Variants in FAT4 observed in about 807,000 individuals in gnomAD.
The protein encoded by FAT4 is protocadherin Fat 4.
FAT4 carries 84 observed loss-of-function variants against 303.9 expected under a neutral mutation model. The observed-to-expected ratio is 0.28, with a 90% confidence interval of 0.23 to 0.33. The LOEUF is 0.33. Ranked by LOEUF, FAT4 falls within the 10% of genes least tolerant of loss-of-function variation. FAT4 has a pLI of 1.00. For synonymous variants in FAT4, 2,307 were observed against 2,298.8 expected, an observed-to-expected ratio of 1.00 and a Z score of -0.10; for missense variants, 6,005 against 6,146.8, an observed-to-expected ratio of 0.98 and a Z score of 0.77.
chr4:125,464,640 G>A (rs931926525), intron 11 of FAT4, among the ~76,000 whole-genome samples: 1 of 152,000 alleles, frequency 6.6e-6, no homozygotes, highest in African/African-American at 2.4e-5. Flanking sequence ...TTTACATTAG[G>A]TATTTCTCCT....
Position 125,319,721 on chromosome 4 carries a change from A to T in FAT4, c.3310A>T (p.Asn1104Tyr), listed in dbSNP as rs1247756549. ...TAACAGACCTCTTTTTAACAGTACC[A>T]ATTACACATTTTACTTCGAAGAAGA... ...NDNRPLFNST[N>Y]YTFYFEEEQR... The change falls in exon 2 of 18, where the codon AAT (asparagine) becomes TAT (tyrosine). Residue 1104 changes from asparagine to tyrosine, a missense_variant. By Grantham distance (143) the Asn-to-Tyr change is moderately radical. Coordinates refer to ENST00000394329, the MANE Select transcript of FAT4 (RefSeq NM_001291303.3). 1 of 1,614,146 alleles carries T rather than the reference A, an allele frequency of 6.2e-7. No individual in the cohort carries two copies. Among genetic ancestry groups the T allele is most frequent in the African/African-American group, 1.3e-5 (1 of 75,062 alleles).
In FAT4 at chr4:125,408,692, A is replaced by G; in HGVS notation, c.5818A>G (p.Asn1940Asp). 6.2e-7 allele frequency: 1 copy of G among 1,610,872 alleles called. No individual in the cohort carries two copies. The highest frequency in any genetic ancestry group is 1.1e-5 in the South Asian group (1 of 90,968). ...VYFNILDVND[N>D]PPIFSLNSYS... ...TTTCAATATTCTAGATGTAAATGAT[A>G]ATCCACCTATTTTCAGCTTGAATTC... Residue 1940 changes from asparagine to aspartate, a missense_variant, in exon 5 of 18, where the codon AAT becomes GAT. By Grantham distance (23) the Asn-to-Asp change is conservative. Coordinates refer to ENST00000394329, the MANE Select transcript of FAT4 (RefSeq NM_001291303.3).
At chr4:125,403,816 G>A (rs1295143193) in intron 3 of FAT4, among the ~76,000 whole-genome samples, 2 of 152,016 alleles carry the variant, frequency 1.3e-5, no homozygotes, top group South Asian at 2.1e-4. Context: ...TGCACATGGG[G>A]TTGTTAAAAA....
Position 125,316,323 on chromosome 4 carries a change from T to C in FAT4, c.-12-77T>C. On this transcript the variant is annotated intron_variant, in intron 1 of 17. Transcript: ENST00000394329. The surrounding 1 kb of genome is among the most constrained non-coding windows in gnomAD (Gnocchi z 5.7). ...TCAGACCAAGCCGTCAGCTGAATCT[T>C]TGCTGGCGCTCCTTAATCCCTGTAA... The C allele has an allele frequency of 1.3e-6, 2 of 1,488,458 alleles. No individual in the cohort carries two copies. The highest frequency in any genetic ancestry group is 1.4e-5 in the South Asian group (1 of 73,400). The allele number at this position is 1,488,458 out of a possible 1,614,324, so 92.2% of individuals were successfully genotyped here.
intron 11 of FAT4, among the ~76,000 whole-genome samples, chr4:125,465,141 A>G (rs1322855530): frequency 6.6e-6 from 1 of 152,222 alleles, no homozygotes; most frequent in Non-Finnish European, 1.5e-5. Context: ...CCCAAAGTCA[A>G]AAAATGAAGT....
intron 10 of FAT4, among the ~76,000 whole-genome samples, chr4:125,460,438 C>T (rs953317497): frequency 1.3e-5 from 2 of 151,930 alleles, no homozygotes; most frequent in Non-Finnish European, 2.9e-5. Context: ...CTCCTCCCAC[C>T]CTCCACCCTC....
At chr4:125,455,096 TC>T (rs1726232109) in intron 10 of FAT4, among the ~76,000 whole-genome samples, 1 of 152,184 alleles carries the variant, frequency 6.6e-6, no homozygotes, top group African/African-American at 2.4e-5. Flanking sequence ...TTCTTACCCA[TC>T]CCCAAAATTA....
rs1730540528 is a variant in FAT4 at position 125,315,555 on chromosome 4, A to C, written c.-435A>C. 2.0e-5 allele frequency among the ~76,000 whole-genome samples: 3 copies of C among 152,162 alleles called. No individual in the cohort carries two copies. In the South Asian group the frequency reaches 6.2e-4, roughly 31 times the overall value. ...GGGAAACTGCGTTCGATTTGGATGT[A>C]CAAATAATGGGTCGGCAGGCGCCCC... On this transcript the variant is annotated 5_prime_UTR_variant, in exon 1 of 18. Coordinates refer to ENST00000394329, the MANE Select transcript of FAT4 (RefSeq NM_001291303.3).
chr4:125,464,625 C>T (rs189526119), intron 11 of FAT4, among the ~76,000 whole-genome samples: 7 of 152,134 alleles, frequency 4.6e-5, no homozygotes, highest in Admixed American at 4.6e-4. Context: ...CCCATCAACT[C>T]GTCATTTACA....
chr4:125,373,372 A>G (rs920561500), intron 2 of FAT4, among the ~76,000 whole-genome samples: 11 of 152,148 alleles, frequency 7.2e-5, no homozygotes, highest in African/African-American at 2.7e-4. Flanking sequence ...ACAGAGACAA[A>G]TTTCATCTAA....
At chr4:125,415,858 T>C (rs755058810) in intron 6 of FAT4, 52 bp downstream of exon 6, 1 of 1,363,240 alleles carries the variant, frequency 7.3e-7, no homozygotes, top group Non-Finnish European at 1.0e-6. Flanking sequence ...GACATCTATT[T>C]GAAAACCTCC....
intron 2 of FAT4, among the ~76,000 whole-genome samples, chr4:125,383,873 T>C (rs1733632282): frequency 6.6e-6 from 1 of 152,148 alleles, no homozygotes; most frequent in South Asian, 2.1e-4. Flanking sequence ...ATGGAAATCC[T>C]TTTTATTAAG....
At chr4:125,409,417 T>A (rs992150310) in intron 5 of FAT4, among the ~76,000 whole-genome samples, 1 of 151,958 alleles carries the variant, frequency 6.6e-6, no homozygotes, top group African/African-American at 2.4e-5. Flanking sequence ...CCACCACGCC[T>A]GGCTAATTTT....
At chr4:125,386,206 A>T (rs1733742925) in intron 2 of FAT4, among the ~76,000 whole-genome samples, 1 of 152,186 alleles carries the variant, frequency 6.6e-6, no homozygotes, top group East Asian at 1.9e-4. Flanking sequence ...CCTAGGCGTT[A>T]TATTGAAACT....
At chr4:125,378,380 A>T (rs1249738002) in intron 2 of FAT4, among the ~76,000 whole-genome samples, 1 of 152,098 alleles carries the variant, frequency 6.6e-6, no homozygotes, top group Admixed American at 6.6e-5. Flanking sequence ...GGATAAGTTA[A>T]TGAAGTATAA....
intron 3 of FAT4, among the ~76,000 whole-genome samples, chr4:125,405,860 T>A (rs995983672): frequency 6.6e-6 from 1 of 152,072 alleles, no homozygotes; most frequent in Non-Finnish European, 1.5e-5. Context: ...ACCTTAACCA[T>A]TTTTTTATTG....
intron 8 of FAT4, among the ~76,000 whole-genome samples, chr4:125,440,610 T>A (rs78617770): frequency 0.28 from 21,184 of 76,208 alleles, 3,480 homozygotes; most frequent in East Asian, 0.54. Flanking sequence ...TGTGTGTGTG[T>A]GAGAGAGAGA....
Position 125,452,583 on chromosome 4 carries a change from G to C in FAT4, c.11573G>C (p.Gly3858Ala). The C allele has an allele frequency of 6.2e-7, 1 of 1,614,194 alleles. No homozygotes were observed. Residue 3858 changes from glycine (G) to alanine (A), a missense_variant, in exon 10 of 18, where the codon GGT (glycine) becomes GCT (alanine). Coordinates refer to ENST00000394329, the MANE Select transcript of FAT4 (RefSeq NM_001291303.3). The part of the protein sequence containing the change: ...FLCKCLPGYA[G>A]SWCEIDIDEC... Reference sequence around the variant, plus strand: ...TGCAAGTGTCTGCCAGGATATGCGGGTAGCTGGTGTGAAATAGATATAGAT... The same window carrying C: ...TGCAAGTGTCTGCCAGGATATGCGGCTAGCTGGTGTGAAATAGATATAGAT...
intron 2 of FAT4, among the ~76,000 whole-genome samples, chr4:125,358,335 C>T (rs1487564028): frequency 6.6e-6 from 1 of 152,036 alleles, no homozygotes. Context: ...AAGTGCATTA[C>T]ATTTATCGTG....
Sources: gnomAD v4.1 joint callset for allele counts (sites outside exome capture counted in the v4.1 genomes callset) on GRCh38, gnomAD v4.1.1 for gene constraint, Gnocchi (gnomAD v3.1) non-coding constraint, MANE v1.5 for transcripts, NCBI Gene and HGNC (gene_info 2026-07-23, HGNC 2026-07-21) for gene names.